MORC4: variants seen among roughly 807,000 people sequenced by gnomAD.
MORC4 encodes the protein MORC family CW-type zinc finger 4.
MORC4 carries 22 observed loss-of-function variants against 65.5 expected under a neutral mutation model. The observed-to-expected ratio is 0.34, with a 90% CI of 0.24 to 0.48. MORC4 has a LOEUF of 0.48. MORC4 is among the 20% of genes least tolerant of loss of function. The probability of loss-of-function intolerance (pLI) is 0.99; values close to 1 mark genes in which losing one functional copy is unlikely to be tolerated. For missense variants in MORC4, 624 were observed against 703.0 expected (o/e 0.89, Z 1.27); for synonymous variants, 267 against 255.8 (o/e 1.04, Z -0.42).
Position 106,993,215 on chromosome X carries a change from T to A in MORC4, c.308+15A>T. 9.1e-6 allele frequency: 11 copies of A among 1,202,825 alleles called. No homozygotes were observed. The highest frequency in any genetic ancestry group is 1.2e-5 in the Non-Finnish European group (11 of 890,000). On this transcript the variant is annotated intron_variant, in intron 3 of 16. Transcript: ENST00000355610. ...TGAGCTTAAGACAAGAAAAAGACAA[T>A]GAAGACATTTTTACCTGAGCATTCG...
At chrX:106,984,463 T>C (rs1271319277) in intron 5 of MORC4, among the ~76,000 whole-genome samples, 2 of 93,771 alleles carry the variant, frequency 2.1e-5, no homozygotes, top group African/African-American at 8.3e-5. Context: ...TTTTTCTTTT[T>C]TCTTTTTTTT....
chrX:106,982,348 AACT>A (rs903232638), intron 5 of MORC4, among the ~76,000 whole-genome samples: 1 of 112,093 alleles, frequency 8.9e-6, no homozygotes, highest in Non-Finnish European at 1.9e-5. Context: ...CTCTAGTGAT[AACT>A]CTGCTTCATA....
At chrX:106,977,075 C>G (rs770808778) in intron 8 of MORC4, among the ~76,000 whole-genome samples, 1 of 111,686 alleles carries the variant, frequency 9.0e-6, no homozygotes, top group Non-Finnish European at 1.9e-5. Flanking sequence ...GGAACTGAAA[C>G]AAATATTCAT....
At chrX:106,956,828 A>G (rs1323469050) in intron 12 of MORC4, 108 bp downstream of exon 12, 33 of 575,404 alleles carry the variant, frequency 5.7e-5, no homozygotes, top group Non-Finnish European at 8.5e-6. Context: ...GAGGAGGGAA[A>G]TTATTTAAGA....
intron 14 of MORC4, among the ~76,000 whole-genome samples, chrX:106,950,686 C>T (rs1053583268): frequency 9.0e-6 from 1 of 111,581 alleles, no homozygotes; most frequent in Admixed American, 9.5e-5. Flanking sequence ...ACCCAGTCTT[C>T]GTGGATCTGC....
intron 9 of MORC4, among the ~76,000 whole-genome samples, chrX:106,965,445 A>G (rs968288308): frequency 7.1e-5 from 8 of 112,548 alleles, no homozygotes; most frequent in African/African-American, 2.6e-4. Flanking sequence ...TACAAGGGAC[A>G]CAGAAAACAA....
chrX:106,943,601 A>G (rs183772674), intron 14 of MORC4, among the ~76,000 whole-genome samples: 109 of 112,611 alleles, frequency 9.7e-4, no homozygotes, highest in Middle Eastern at 4.6e-3. Context: ...AAAAGCCTAG[A>G]AGAGTATGCA....
intron 9 of MORC4, among the ~76,000 whole-genome samples, chrX:106,976,294 T>C (rs1934624016): frequency 8.9e-6 from 1 of 111,912 alleles, no homozygotes; most frequent in Non-Finnish European, 1.9e-5. Flanking sequence ...CTGTTTCCAT[T>C]AAGATCAATT....
intron 6 of MORC4, 146 bp downstream of exon 6, chrX:106,981,198 CG>C: frequency 1.2e-6 from 1 of 820,303 alleles, no homozygotes; most frequent in Non-Finnish European, 1.7e-6. Context: ...ATTATCTAAA[CG>C]GTCTCAATGG....
intron 9 of MORC4, among the ~76,000 whole-genome samples, chrX:106,963,620 C>T (rs1252485377): frequency 2.7e-5 from 3 of 111,764 alleles, no homozygotes; most frequent in East Asian, 5.6e-4. Context: ...TTTCAACCCT[C>T]TACTCCTCCA....
At position 106,958,339 on chromosome X, in the gene MORC4, T is replaced by C. The variant is rs760051460; in HGVS notation, c.1382A>G (p.Tyr461Cys). 3.3e-6 allele frequency: 4 copies of C among 1,203,431 alleles called. No individual in the cohort carries two copies. Among genetic ancestry groups the C allele is most frequent in the Non-Finnish European group, 4.5e-6 (4 of 890,294 alleles). ...WFCYYNSHPKYRRCSVPEEQE... is the reference protein window; with the variant it reads ...WFCYYNSHPKCRRCSVPEEQE... ...AGATTGAGTCCTGGAACCTTACCTG[T>C]ACTTTGGATGGGAATTATAATAACA... is the stretch of plus-strand genomic sequence containing the variant. Residue 461 changes from tyrosine (Y) to cysteine (C), a missense_variant, in exon 11 of 17, where the codon TAC becomes TGC. By Grantham distance (194) the Tyr-to-Cys change is radical. Transcript: ENST00000355610.
intron 14 of MORC4, among the ~76,000 whole-genome samples, chrX:106,952,350 T>C (rs966427900): frequency 8.9e-6 from 1 of 112,387 alleles, no homozygotes; most frequent in African/African-American, 3.2e-5. Context: ...GTGAATACTA[T>C]AGGCAACTGT....
chrX:106,983,774 G>C (rs1221991566), intron 5 of MORC4, among the ~76,000 whole-genome samples: 1 of 106,146 alleles, frequency 9.4e-6, no homozygotes, highest in African/African-American at 3.4e-5. Flanking sequence ...TCAAATTCCT[G>C]GCCTCAAGTG....
At chrX:106,997,765 TCAAG>T (rs1323390509) in intron 2 of MORC4, among the ~76,000 whole-genome samples, 1 of 111,788 alleles carries the variant, frequency 8.9e-6, no homozygotes, top group Non-Finnish European at 1.9e-5. Context: ...ATGCCTTTGT[TCAAG>T]CAGTTGTTCC....
intron 14 of MORC4, among the ~76,000 whole-genome samples, chrX:106,952,035 A>C (rs1351045805): frequency 9.5e-6 from 1 of 105,651 alleles, no homozygotes; most frequent in Non-Finnish European, 1.9e-5. Flanking sequence ...AGGAAAGAAA[A>C]CTATATGCAC....
chrX:106,965,465 T>C (rs1934352071), intron 9 of MORC4, among the ~76,000 whole-genome samples: 1 of 111,753 alleles, frequency 8.9e-6, no homozygotes. Flanking sequence ...AACAGCAAAA[T>C]GACAGAAGTA....
Position 106,943,172 on chromosome X carries a change from C to G in MORC4, c.1719G>C (p.Val573=). The G allele has an allele frequency of 8.3e-7, 1 of 1,206,652 alleles. No individual in the cohort carries two copies. Among genetic ancestry groups the G allele is most frequent in the South Asian group, 1.8e-5 (1 of 56,693 alleles). Residue 573 remains valine, a synonymous_variant, in exon 15 of 17, where the codon GTG becomes GTC. Coordinates refer to ENST00000355610, the MANE Select transcript of MORC4 (RefSeq NM_024657.5). ...KYKWILGEEP[V]EKRRRLQNEM... ...CATTCTGGAGCCTTCTTCGTTTCTC[C>G]ACCGGTTCTTCACCTAGGATCCATT...
At chrX:106,954,812 G>T in intron 14 of MORC4, 101 bp downstream of exon 14, 1 of 758,671 alleles carries the variant, frequency 1.3e-6, no homozygotes. Flanking sequence ...TCCATGCTAG[G>T]CCTTAGAAAA....
rs369952673 is a variant in MORC4 at position 106,985,155 on chromosome X, G to T, written c.615C>A (p.Ala205=). The T allele has an allele frequency of 1.3e-4, 151 of 1,204,155 alleles. No homozygotes were observed. The highest frequency in any genetic ancestry group is 1.6e-4 in the Non-Finnish European group (142 of 891,404). The change falls in exon 5 of 17, where the codon GCC becomes GCA. Residue 205 remains alanine, a synonymous_variant. Transcript: ENST00000355610. The part of the protein sequence containing the change: ...SIFNRENDLL[A]QFDAIPGKKG... ...TTTTGCCTGGGATGGCATCAAACTG[G>T]GCCAGCAGGTCATTTTCACGGTTGA...
Sources: allele counts gnomAD v4.1 joint callset (sites outside exome capture counted in the v4.1 genomes callset), GRCh38; gene constraint gnomAD v4.1.1; transcripts MANE v1.5; gene names NCBI Gene and HGNC (gene_info 2026-07-23, HGNC 2026-07-21).